The following ATF1 variants were observed in gnomAD, a reference collection of about 807,000 sequenced individuals.
The protein encoded by ATF1 is cyclic AMP-dependent transcription factor ATF-1.
ATF1 carries 16 observed loss-of-function variants against 34.7 expected under a neutral mutation model. That is an observed-to-expected ratio of 0.46 (90% CI 0.31 to 0.70). The LOEUF (loss-of-function observed/expected upper bound fraction) is 0.70, where lower values mean the gene tolerates loss of function less well. Ranked by LOEUF, ATF1 falls within the 30% of genes least tolerant of loss-of-function variation. The pLI is 0.05. For synonymous variants in ATF1, 105 were observed against 113.1 expected (o/e 0.93, Z 0.46); for missense variants, 255 against 321.6 (o/e 0.79, Z 1.58).
intron 2 of ATF1, among the ~76,000 whole-genome samples, chr12:50,780,704 T>G (rs1033094084): frequency 1.2e-4 from 18 of 151,198 alleles, no homozygotes; most frequent in Non-Finnish European, 2.4e-4. Context: ...GGCTCACGCC[T>G]GTAATCCTAG....
At chr12:50,764,717 G>C (rs1427527041) in intron 1 of ATF1, 1 of 152,300 alleles carries the variant, frequency 6.6e-6, no homozygotes, top group African/African-American at 2.4e-5. Flanking sequence ...AGCGGAGCCC[G>C]GGTCTGGTTA....
intron 3 of ATF1, among the ~76,000 whole-genome samples, chr12:50,799,609 C>G (rs1224396934): frequency 6.6e-6 from 1 of 151,830 alleles, no homozygotes; most frequent in Non-Finnish European, 1.5e-5. Flanking sequence ...TTAAACTGTT[C>G]CAACAAGTAA....
intron 2 of ATF1, among the ~76,000 whole-genome samples, chr12:50,785,122 TAAG>T (rs1941155454): frequency 6.7e-6 from 1 of 149,864 alleles, no homozygotes; most frequent in African/African-American, 2.5e-5. Context: ...GAGCAACTGT[TAAG>T]AATGAAATTA....
At chr12:50,796,050 T>C in intron 3 of ATF1, 41 bp downstream of exon 3, 1 of 1,481,720 alleles carries the variant, frequency 6.7e-7, no homozygotes, top group Non-Finnish European at 9.2e-7. Flanking sequence ...GTTATGATAG[T>C]ACCAAATGAG....
chr12:50,807,432 T>C (rs1386602947), intron 3 of ATF1, among the ~76,000 whole-genome samples: 1 of 151,826 alleles, frequency 6.6e-6, no homozygotes, highest in Non-Finnish European at 1.5e-5. Flanking sequence ...AATAAATAAA[T>C]TTCTTTAGTT....
intron 2 of ATF1, among the ~76,000 whole-genome samples, chr12:50,783,600 T>C (rs888583228): frequency 3.2e-4 from 49 of 152,168 alleles, no homozygotes; most frequent in African/African-American, 1.1e-3. Context: ...CTGGGCACAG[T>C]GGCTCATGCC....
At chr12:50,781,774 G>A (rs1941067597) in intron 2 of ATF1, among the ~76,000 whole-genome samples, 1 of 152,072 alleles carries the variant, frequency 6.6e-6, no homozygotes, top group Non-Finnish European at 1.5e-5. Context: ...AATTAGCTGG[G>A]TGTGGTGGCA....
chr12:50,786,527 G>T (rs992945054), intron 2 of ATF1, among the ~76,000 whole-genome samples: 1 of 152,154 alleles, frequency 6.6e-6, no homozygotes, highest in Non-Finnish European at 1.5e-5. Context: ...GGGGACACAA[G>T]GGAGACCAGA....
At chr12:50,786,964 C>G (rs1293496026) in intron 2 of ATF1, among the ~76,000 whole-genome samples, 1 of 152,150 alleles carries the variant, frequency 6.6e-6, no homozygotes, top group African/African-American at 2.4e-5. Context: ...CTCTGACATA[C>G]CAGCCCCACC....
chr12:50,779,621 T>C (rs558639632), intron 1 of ATF1, among the ~76,000 whole-genome samples: 1 of 152,166 alleles, frequency 6.6e-6, no homozygotes, highest in South Asian at 2.1e-4. Flanking sequence ...TTTACCAGCT[T>C]GTTAGTGGTT....
Position 50,780,248 on chromosome 12 carries a change from G to A in ATF1, c.93+10G>A. On this transcript the variant is annotated intron_variant, in intron 2 of 6. Coordinates refer to ENST00000262053, the MANE Select transcript of ATF1 (RefSeq NM_005171.5). ...TCATATTGCTCAACAGGTAAGGGAG[G>A]GACTGGCCAAAATACTGAGCTTGTT... 1 of 1,584,710 alleles carries A rather than the reference G, an allele frequency of 6.3e-7. No individual in the cohort carries two copies.
intron 6 of ATF1, among the ~76,000 whole-genome samples, chr12:50,814,714 G>A (rs1941806827): frequency 6.6e-6 from 1 of 151,944 alleles, no homozygotes; most frequent in Non-Finnish European, 1.5e-5. Flanking sequence ...TGTAGCACAT[G>A]CAATTATGTA....
intron 1 of ATF1, among the ~76,000 whole-genome samples, chr12:50,774,734 T>TTTTTTG (rs1192523751): frequency 2.0e-5 from 3 of 150,390 alleles, no homozygotes; most frequent in African/African-American, 7.4e-5. Context: ...GAAAAAAGAG[T>TTTTTTG]TTTTTGTTTT....
At position 50,775,324 on chromosome 12, in the gene ATF1, G is replaced by GT. The variant is rs575652099; in HGVS notation, c.-6-4806dup. Among the ~76,000 whole-genome samples, 62 of 150,022 alleles carry GT rather than the reference G, an allele frequency of 4.1e-4. 1 individual carries two copies. Among genetic ancestry groups the GT allele is most frequent in the East Asian group, 4.1e-3 (21 of 5,126 alleles). ...AGTGGCTTTTACTGTTGATATGTGT[G>GT]TTTTTTTTTTGATCATATTAGTTTC... On this transcript the variant is annotated intron_variant, in intron 1 of 6. Coordinates refer to ENST00000262053, the MANE Select transcript of ATF1 (RefSeq NM_005171.5).
At chr12:50,765,317 G>T (rs1242936549) in intron 1 of ATF1, among the ~76,000 whole-genome samples, 1 of 152,152 alleles carries the variant, frequency 6.6e-6, no homozygotes, top group African/African-American at 2.4e-5. Context: ...ATCATATGCA[G>T]TTATCTCCGT....
intron 4 of ATF1, among the ~76,000 whole-genome samples, chr12:50,813,500 T>C (rs1941778963): frequency 6.6e-6 from 1 of 152,236 alleles, no homozygotes; most frequent in Non-Finnish European, 1.5e-5. Flanking sequence ...TATGTTTCCT[T>C]TTTATTTTTT....
intron 1 of ATF1, among the ~76,000 whole-genome samples, chr12:50,766,689 T>A (rs1181964701): frequency 7.3e-6 from 1 of 136,794 alleles, no homozygotes; most frequent in African/African-American, 2.7e-5. Flanking sequence ...TGAGAGCTGA[T>A]GGGACTGCTG....
chr12:50,797,001 A>G (rs1436673192), intron 3 of ATF1, among the ~76,000 whole-genome samples: 1 of 152,246 alleles, frequency 6.6e-6, no homozygotes, highest in Non-Finnish European at 1.5e-5. Flanking sequence ...ATTATTTGCA[A>G]ACCACTTATC....
chr12:50,800,080 A>G (rs992576304), intron 3 of ATF1, among the ~76,000 whole-genome samples: 3 of 152,264 alleles, frequency 2.0e-5, no homozygotes, highest in Non-Finnish European at 4.4e-5. Context: ...GCTGAAAGCT[A>G]AAGTTAAAGA....
Sources: allele counts gnomAD v4.1 joint callset (sites outside exome capture counted in the v4.1 genomes callset), GRCh38; gene constraint gnomAD v4.1.1; transcripts MANE v1.5; gene names NCBI Gene and HGNC (gene_info 2026-07-23, HGNC 2026-07-21).